NAA11: variants seen among roughly 807,000 people sequenced by gnomAD.
The protein encoded by NAA11 is N-alpha-acetyltransferase 11, NatA catalytic subunit.
Under a neutral mutation model 16.1 loss-of-function variants are expected in NAA11, and 15 were observed. The ratio of observed to expected loss-of-function variants is 0.93; its 90% CI spans 0.62 to 1.44. The LOEUF is 1.44. Among genes scored for constraint, NAA11 ranks in the 40% most tolerant of loss-of-function variants. The probability of loss-of-function intolerance (pLI) is 0.00; values close to 1 mark genes in which losing one functional copy is unlikely to be tolerated. For synonymous variants in NAA11, 122 were observed against 112.4 expected, an observed-to-expected ratio of 1.09 and a Z score of -0.54; for missense variants, 298 against 291.3, an observed-to-expected ratio of 1.02 and a Z score of -0.17.
At chr4:79,247,860 C>A (rs2109965807) in intron 2 of NAA11, among the ~76,000 whole-genome samples, 1 of 152,280 alleles carries the variant, frequency 6.6e-6, no homozygotes, top group East Asian at 1.9e-4. Context: ...CCCACAGACA[C>A]TTGAACTGGT....
chr4:79,227,498 CTA>C (rs1721344612), intron 2 of NAA11: 1 of 151,862 alleles, frequency 6.6e-6, no homozygotes, highest in Admixed American at 6.6e-5. Flanking sequence ...CCAAAGGAGA[CTA>C]AGAGGAGTCA....
At chr4:79,265,046 T>C (rs762403624) in intron 2 of NAA11, among the ~76,000 whole-genome samples, 11 of 152,186 alleles carry the variant, frequency 7.2e-5, no homozygotes, top group Non-Finnish European at 1.6e-4. Flanking sequence ...CCTAAAACCT[T>C]TCCTTTTACA....
chr4:79,319,601 G>T (rs1724031110), intron 1 of NAA11, among the ~76,000 whole-genome samples: 1 of 152,166 alleles, frequency 6.6e-6, no homozygotes, highest in African/African-American at 2.4e-5. Flanking sequence ...GACAAAGTTG[G>T]TATTTCAGTC....
chr4:79,275,302 C>T (rs541698633), intron 2 of NAA11, among the ~76,000 whole-genome samples: 55 of 152,112 alleles, frequency 3.6e-4, no homozygotes, highest in African/African-American at 1.3e-3. Context: ...TCTCTGAATA[C>T]AGTTGTCATG....
downstream of NAA11, among the ~76,000 whole-genome samples, chr4:79,315,927 G>A (rs999673927): frequency 1.3e-5 from 2 of 152,180 alleles, no homozygotes; most frequent in Non-Finnish European, 2.9e-5. Context: ...CCTGGTACGA[G>A]ACTGGGAAAG....
chr4:79,291,116 AATTT>A (rs1723071455), intron 2 of NAA11, among the ~76,000 whole-genome samples: 1 of 152,174 alleles, frequency 6.6e-6, no homozygotes, highest in African/African-American at 2.4e-5. Flanking sequence ...GTTCTTATAT[AATTT>A]ATTATCCAAG....
At chr4:79,318,514 G>C (rs1723996579) in intron 1 of NAA11, among the ~76,000 whole-genome samples, 1 of 152,122 alleles carries the variant, frequency 6.6e-6, no homozygotes, top group Non-Finnish European at 1.5e-5. Flanking sequence ...GCACACAGAA[G>C]TAAATAAGAT....
chr4:79,189,124 T>G, the NAA11 span, among the ~76,000 whole-genome samples: 2 of 68,454 alleles, frequency 2.9e-5, no homozygotes, highest in African/African-American at 4.5e-5. Context: ...CCAGCCTGGG[T>G]GATAGAGCGA....
chr4:79,165,245 T>G, the NAA11 span, among the ~76,000 whole-genome samples: 1 of 152,130 alleles, frequency 6.6e-6, no homozygotes, highest in Non-Finnish European at 1.5e-5. Flanking sequence ...GTGAAGTCAT[T>G]AACTGGGACA....
At chr4:79,223,299 G>T (rs1437503099), downstream of NAA11, among the ~76,000 whole-genome samples, 1 of 147,642 alleles carries the variant, frequency 6.8e-6, no homozygotes, top group African/African-American at 2.5e-5. Context: ...TATACACCAT[G>T]GAATACTATG....
intron 1 of NAA11, among the ~76,000 whole-genome samples, chr4:79,302,195 A>G (rs1303070947): frequency 1.3e-5 from 2 of 152,220 alleles, no homozygotes; most frequent in African/African-American, 2.4e-5. Context: ...AATTGAAATT[A>G]TATTACAGAT....
exon 2 of NAA11, chr4:79,294,022 A>T (rs1305361128): frequency 6.6e-6 from 1 of 152,558 alleles, no homozygotes; most frequent in Non-Finnish European, 1.5e-5. Context: ...CCTTCATGGG[A>T]TGATGCAGCA....
downstream of NAA11, among the ~76,000 whole-genome samples, chr4:79,315,888 C>A (rs1723913601): frequency 6.6e-6 from 1 of 152,094 alleles, no homozygotes. Flanking sequence ...ATAGCCCAAA[C>A]CAGATAGGCT....
chr4:79,239,407 G>A (rs1223034507), intron 2 of NAA11, among the ~76,000 whole-genome samples: 1 of 152,134 alleles, frequency 6.6e-6, no homozygotes, highest in African/African-American at 2.4e-5. Flanking sequence ...CTGAGAATAA[G>A]TATGTGAATG....
chr4:79,322,509 A>ATT (rs1484188573), intron 1 of NAA11, among the ~76,000 whole-genome samples: 1 of 151,270 alleles, frequency 6.6e-6, no homozygotes, highest in African/African-American at 2.4e-5. Flanking sequence ...GTGTGTGTAT[A>ATT]TATATATATA....
chr4:79,265,376 A>G (rs987667663), intron 2 of NAA11, among the ~76,000 whole-genome samples: 12 of 152,196 alleles, frequency 7.9e-5, no homozygotes, highest in Admixed American at 7.9e-4. Context: ...ACTTAAGTCC[A>G]AACAAGTTAG....
chr4:79,310,630 A>G (rs751134663), intron 1 of NAA11, among the ~76,000 whole-genome samples: 2 of 152,220 alleles, frequency 1.3e-5, no homozygotes, highest in Non-Finnish European at 2.9e-5. Flanking sequence ...AGATGGCAGG[A>G]CACCCCACAG....
chr4:79,185,246 G>T, the NAA11 span, among the ~76,000 whole-genome samples: 2 of 152,032 alleles, frequency 1.3e-5, no homozygotes, highest in Non-Finnish European at 2.9e-5. Context: ...TCTCACTAAA[G>T]ACATCAGCTA....
At chr4:79,161,756 C>G in the NAA11 span, among the ~76,000 whole-genome samples, 9 of 151,772 alleles carry the variant, frequency 5.9e-5, no homozygotes, top group Non-Finnish European at 1.0e-4. Flanking sequence ...CTCACTGCAA[C>G]CTCCACCTCC....
Sources: gnomAD v4.1 joint callset for allele counts (sites outside exome capture counted in the v4.1 genomes callset) on GRCh38, gnomAD v4.1.1 for gene constraint, MANE v1.5 for transcripts, NCBI Gene and HGNC (gene_info 2026-07-23, HGNC 2026-07-21) for gene names.